Variants in HAT1 observed in about 807,000 individuals in gnomAD.
HAT1 encodes histone acetyltransferase 1, also known as histone acetyltransferase type B catalytic subunit.
Under a neutral mutation model 56.6 loss-of-function variants are expected in HAT1, and 20 were observed. The ratio of observed to expected loss-of-function variants is 0.35; its 90% confidence interval spans 0.25 to 0.51. The LOEUF (loss-of-function observed/expected upper bound fraction) is 0.51, where lower values mean the gene tolerates loss of function less well. Among genes scored for constraint, HAT1 ranks in the 20% least tolerant of loss-of-function variants. The probability of loss-of-function intolerance (pLI) is 0.95; values close to 1 mark genes in which losing one functional copy is unlikely to be tolerated. For synonymous variants in HAT1, 146 were observed against 165.5 expected, an observed-to-expected ratio of 0.88 and a Z score of 0.91; for missense variants, 408 against 504.3, an observed-to-expected ratio of 0.81 and a Z score of 1.83.
At chr2:171,974,436 C>T (rs542948211) in intron 8 of HAT1, among the ~76,000 whole-genome samples, 6 of 152,150 alleles carry the variant, frequency 3.9e-5, no homozygotes, top group African/African-American at 1.2e-4. Context: ...ATCTTCTATC[C>T]TGCACTCTTA....
chr2:171,983,645 G>C lies in HAT1; in HGVS notation c.*293G>C, dbSNP rs1014712958. 3 of 218,128 alleles carry C rather than the reference G, an allele frequency of 1.4e-5. No homozygotes were observed. Among genetic ancestry groups the C allele is most frequent in the African/African-American group, 6.8e-5 (3 of 43,980 alleles). 13.5% of individuals were successfully genotyped at this position (218,128 alleles called of 1,614,324 possible). A position where few individuals can be genotyped will look rare whatever the true frequency, so the allele number is the denominator to read the frequency against. On this transcript the variant is annotated 3_prime_UTR_variant, in exon 11 of 11. Coordinates refer to ENST00000264108, the MANE Select transcript of HAT1 (RefSeq NM_003642.4). ...GTGATATGTTAATGTGTGATGATAT[G>C]ATTCTTAAATACTTACAATAAACCT...
chr2:171,973,919 C>T (rs1490515236), intron 8 of HAT1, among the ~76,000 whole-genome samples: 5 of 152,092 alleles, frequency 3.3e-5, no homozygotes, highest in African/African-American at 9.7e-5. Context: ...GTGGCTTGCA[C>T]CTGTAATCCC....
intron 1 of HAT1, chr2:171,924,878 CTT>C (rs1686542742): frequency 6.6e-6 from 1 of 152,022 alleles, no homozygotes; most frequent in Non-Finnish European, 1.5e-5. Flanking sequence ...TCTCATTTTG[CTT>C]TTTACATCTT....
At chr2:171,947,833 C>G (rs1182273008) in intron 3 of HAT1, among the ~76,000 whole-genome samples, 6 of 152,162 alleles carry the variant, frequency 3.9e-5, no homozygotes, top group African/African-American at 1.4e-4. Flanking sequence ...GAGCCGAGAT[C>G]ATGCCACTGC....
chr2:171,942,093 C>T (rs1451798694), intron 2 of HAT1, among the ~76,000 whole-genome samples: 3 of 152,026 alleles, frequency 2.0e-5, no homozygotes, highest in African/African-American at 4.8e-5. Flanking sequence ...TTAATAGAGA[C>T]GGGGCTTCAC....
intron 3 of HAT1, among the ~76,000 whole-genome samples, chr2:171,951,569 A>G (rs1411621608): frequency 7.0e-6 from 1 of 142,716 alleles, no homozygotes; most frequent in Non-Finnish European, 1.5e-5. Context: ...ACAGGCACCC[A>G]CCACCACACC....
chr2:171,923,737 C>CCA (rs1686504466), intron 1 of HAT1: 1 of 152,158 alleles, frequency 6.6e-6, no homozygotes. Flanking sequence ...TCTTGAAGTA[C>CCA]CACAGAAGAG....
intron 2 of HAT1, among the ~76,000 whole-genome samples, chr2:171,935,775 C>T (rs1441435416): frequency 2.6e-5 from 4 of 151,798 alleles, no homozygotes; most frequent in African/African-American, 7.3e-5. Context: ...ACTCAGGAGG[C>T]TGAGGCAGGA....
At chr2:171,933,806 A>G (rs1467473294) in intron 2 of HAT1, among the ~76,000 whole-genome samples, 1 of 152,186 alleles carries the variant, frequency 6.6e-6, no homozygotes, top group Non-Finnish European at 1.5e-5. Flanking sequence ...GCCTTGTTTT[A>G]TAGCTTATCA....
At position 171,965,326 on chromosome 2, in the gene HAT1, T is replaced by A. The variant is rs1334512594; in HGVS notation, c.310-12T>A. ...AATTTGTTATTAATTTTTTATATCC[T>A]TTATTCTTTAGGCAGATGATGTTGA... On this transcript the variant is annotated splice_polypyrimidine_tract_variant and intron_variant, in intron 4 of 10. Transcript: ENST00000264108. 6.5e-7 allele frequency: 1 copy of A among 1,529,488 alleles called. No individual in the cohort carries two copies. The highest frequency in any genetic ancestry group is 9.0e-7 in the Non-Finnish European group (1 of 1,112,698). The allele number at this position is 1,529,488 out of a possible 1,614,324, so 94.7% of individuals were successfully genotyped here. A position where few individuals can be genotyped will look rare whatever the true frequency, so the allele number is the denominator to read the frequency against.
intron 3 of HAT1, 68 bp downstream of exon 3, chr2:171,946,851 G>T: frequency 5.7e-6 from 4 of 703,456 alleles, no homozygotes; most frequent in African/African-American, 1.9e-5. Context: ...TTTTCTTTTA[G>T]ATTTAGAAAT....
At chr2:171,955,733 AAACTTAGTTTTG>A (rs1249597580) in intron 4 of HAT1, among the ~76,000 whole-genome samples, 1 of 152,148 alleles carries the variant, frequency 6.6e-6, no homozygotes, top group African/African-American at 2.4e-5. Context: ...ATATAGTCAT[AAACTTAGTTTTG>A]GTAGAAACAC....
chr2:171,978,922 CAAAAAA>C (rs3838506), intron 9 of HAT1, among the ~76,000 whole-genome samples: 119 of 69,174 alleles, frequency 1.7e-3, no homozygotes, highest in African/African-American at 6.9e-3. Context: ...CCCATTTCTA[CAAAAAA>C]AAAAAAAAAA....
At chr2:171,969,605 C>T (rs1487087477) in intron 8 of HAT1, among the ~76,000 whole-genome samples, 4 of 152,102 alleles carry the variant, frequency 2.6e-5, no homozygotes, top group South Asian at 2.1e-4. Context: ...TATTGGGTGT[C>T]GTTTTAAGTT....
chr2:171,951,529 C>T (rs1284478584), intron 3 of HAT1, among the ~76,000 whole-genome samples: 2 of 151,978 alleles, frequency 1.3e-5, no homozygotes, highest in East Asian at 3.9e-4. Context: ...AATCTATTCT[C>T]CTGCCTCAGC....
chr2:171,926,455 G>A (rs183094710), intron 2 of HAT1, among the ~76,000 whole-genome samples: 12 of 152,164 alleles, frequency 7.9e-5, no homozygotes, highest in Admixed American at 2.0e-4. Context: ...CACCACGCCC[G>A]GCTAATTTTT....
At chr2:171,927,610 A>G (rs1686630192) in intron 2 of HAT1, among the ~76,000 whole-genome samples, 1 of 152,102 alleles carries the variant, frequency 6.6e-6, no homozygotes, top group African/African-American at 2.4e-5. Flanking sequence ...TATTTTAGAG[A>G]CAGAGTCTCA....
chr2:171,946,741 G>T lies in HAT1; in HGVS notation c.146G>T (p.Arg49Ile). The T allele has an allele frequency of 6.3e-7, 1 of 1,584,850 alleles. No homozygotes were observed. The highest frequency in any genetic ancestry group is 8.6e-7 in the Non-Finnish European group (1 of 1,158,864). ...CCTGAAGATCTTGAAAATGACATTA[G>T]AACTTTCTTTCCTGAGTATACCCAT... Reference protein sequence around the residue: ...RFPEDLENDIRTFFPEYTHQL... With the variant: ...RFPEDLENDIITFFPEYTHQL... The change falls in exon 3 of 11, where the codon AGA (arginine) becomes ATA (isoleucine). Residue 49 changes from arginine (R) to isoleucine (I), a missense_variant. Arg to Ile is a moderately conservative substitution (Grantham distance 97). Transcript: ENST00000264108.
At chr2:171,982,369 T>C (rs993838866) in intron 10 of HAT1, among the ~76,000 whole-genome samples, 6 of 152,184 alleles carry the variant, frequency 3.9e-5, no homozygotes, top group African/African-American at 1.4e-4. Flanking sequence ...CCTGGAGTTA[T>C]TCTTCATTCT....
Sources: gnomAD v4.1 joint callset for allele counts (sites outside exome capture counted in the v4.1 genomes callset) on GRCh38, gnomAD v4.1.1 for gene constraint, MANE v1.5 for transcripts, NCBI Gene and HGNC (gene_info 2026-07-23, HGNC 2026-07-21) for gene names.